The following NEDD4 variants were observed in gnomAD, a reference collection of about 807,000 sequenced individuals.
NEDD4 encodes NEDD4 E3 ubiquitin protein ligase, also known as E3 ubiquitin-protein ligase NEDD4.
A neutral mutation model predicts 144.9 loss-of-function variants in NEDD4; 99 were observed. The ratio of observed to expected loss-of-function variants is 0.68; its 90% CI spans 0.58 to 0.81. NEDD4 has a LOEUF of 0.81. Among genes scored for constraint, NEDD4 ranks in the 30% least tolerant of loss-of-function variants. NEDD4 has a pLI of 0.00. For missense variants in NEDD4, 985 were observed against 1,065.9 expected, an observed-to-expected ratio of 0.92 and a Z score of 1.06; for synonymous variants, 318 against 350.6, an observed-to-expected ratio of 0.91 and a Z score of 1.04.
At chr15:55,887,532 C>T (rs2142109737) in intron 5 of NEDD4, among the ~76,000 whole-genome samples, 1 of 152,274 alleles carries the variant, frequency 6.6e-6, no homozygotes, top group African/African-American at 2.4e-5. Context: ...CATCCAATGG[C>T]TTCACTGATG....
intron 4 of NEDD4, among the ~76,000 whole-genome samples, chr15:55,937,105 T>C (rs1227367922): frequency 1.3e-5 from 2 of 152,126 alleles, no homozygotes; most frequent in Admixed American, 6.6e-5. Flanking sequence ...AATTTGCTAT[T>C]GAGCACTAAC....
intron 4 of NEDD4, among the ~76,000 whole-genome samples, chr15:55,935,279 T>C (rs549552624): frequency 2.6e-5 from 4 of 152,210 alleles, no homozygotes; most frequent in Non-Finnish European, 5.9e-5. Flanking sequence ...TGTATGAATG[T>C]ATCATAATTT....
intron 5 of NEDD4, chr15:55,915,891 C>A (rs557164698): frequency 6.2e-6 from 10 of 1,613,966 alleles, no homozygotes; most frequent in African/African-American, 5.3e-5. Flanking sequence ...TCCTTTAGCA[C>A]TAGTGCCATC....
chr15:55,936,865 T>C (rs573215136), intron 4 of NEDD4, among the ~76,000 whole-genome samples: 9 of 151,998 alleles, frequency 5.9e-5, no homozygotes, highest in Admixed American at 3.3e-4. Flanking sequence ...TGAACTCGGC[T>C]CACTGCAACC....
intron 2 of NEDD4, among the ~76,000 whole-genome samples, chr15:55,964,695 GTGT>G (rs1430744328): frequency 2.0e-3 from 13 of 6,382 alleles, no homozygotes; most frequent in African/African-American, 9.2e-3. Flanking sequence ...TGCTGCTGGT[GTGT>G]GTGTGTGTGT....
At chr15:55,830,455 T>C in intron 28 of NEDD4, 59 bp downstream of exon 28, 1 of 1,455,184 alleles carries the variant, frequency 6.9e-7, no homozygotes. Context: ...GTGGCTAGAC[T>C]AACAGAGGAA....
intron 1 of NEDD4, among the ~76,000 whole-genome samples, chr15:55,973,788 G>C (rs577780314): frequency 7.3e-5 from 11 of 150,610 alleles, no homozygotes; most frequent in Non-Finnish European, 1.5e-5. Flanking sequence ...AGTACTAAAA[G>C]AGAAGCTTAT....
At position 55,936,073 on chromosome 15, in the gene NEDD4, T is replaced by C. The variant is rs372338327; in HGVS notation, c.238-11374A>G. 3.9e-5 allele frequency among the ~76,000 whole-genome samples: 6 copies of C among 152,058 alleles called. No individual in the cohort carries two copies. In the East Asian group the frequency reaches 5.8e-4, roughly 15 times the overall value. ...ATCAGTGTGCTTATTGTGAAGGCAGTTTTCATTGCTACTTCAAGTCTATAA... is the reference window on the plus strand; with the variant it reads ...ATCAGTGTGCTTATTGTGAAGGCAGCTTTCATTGCTACTTCAAGTCTATAA... On this transcript the variant is annotated intron_variant, in intron 4 of 28. Coordinates refer to ENST00000435532, the MANE Select transcript of NEDD4 (RefSeq NM_006154.4).
chr15:55,863,110 A>C, intron 8 of NEDD4, 31 bp from the exon 9 acceptor site: 1 of 1,506,030 alleles, frequency 6.6e-7, no homozygotes, highest in Non-Finnish European at 8.9e-7. Context: ...AATTAAGTTT[A>C]CGCATGATTT....
intron 6 of NEDD4, 47 bp from the exon 7 acceptor site, chr15:55,872,523 G>A: frequency 1.2e-6 from 1 of 850,962 alleles, no homozygotes; most frequent in South Asian, 2.7e-5. Context: ...AACACCAAAA[G>A]CATGTACTTT....
chr15:55,881,393 G>A (rs527362593), intron 5 of NEDD4, among the ~76,000 whole-genome samples: 1 of 151,894 alleles, frequency 6.6e-6, no homozygotes, highest in Non-Finnish European at 1.5e-5. Flanking sequence ...TACCCACCTC[G>A]GCCTTCCAAA....
At chr15:55,839,903 A>T (rs575965659) in intron 21 of NEDD4, among the ~76,000 whole-genome samples, 2 of 143,912 alleles carry the variant, frequency 1.4e-5, no homozygotes, top group East Asian at 4.2e-4. Flanking sequence ...TGAACTTGGA[A>T]AGCAGAGGTT....
chr15:55,854,086 G>A (rs1466179772), intron 12 of NEDD4, among the ~76,000 whole-genome samples: 1 of 152,084 alleles, frequency 6.6e-6, no homozygotes, highest in Non-Finnish European at 1.5e-5. Flanking sequence ...AGGAGGCAGA[G>A]GTTGCAGTGA....
At chr15:55,926,082 A>G (rs2036659372) in intron 4 of NEDD4, among the ~76,000 whole-genome samples, 1 of 151,728 alleles carries the variant, frequency 6.6e-6, no homozygotes, top group African/African-American at 2.4e-5. Context: ...GTAAAAATAC[A>G]TATACATACT....
rs778969654 is a variant in NEDD4 at position 55,860,657 on chromosome 15, A to G, written c.792+4T>C. The G allele has an allele frequency of 1.3e-5, 21 of 1,613,898 alleles. No homozygotes were observed. The highest frequency in any genetic ancestry group is 1.6e-5 in the Non-Finnish European group (19 of 1,179,890). On this transcript the variant is annotated splice_donor_region_variant and intron_variant, in intron 10 of 28. Coordinates refer to ENST00000435532, the MANE Select transcript of NEDD4 (RefSeq NM_006154.4). ...TTCAAGGAGAACTAGGAAACTACTT[A>G]TACCTCGGAAGACTCTCGGTTGTCA...
chr15:55,851,085 C>G (rs2033963108), intron 13 of NEDD4, among the ~76,000 whole-genome samples: 1 of 152,144 alleles, frequency 6.6e-6, no homozygotes, highest in African/African-American at 2.4e-5. Context: ...AGCTCAAGCC[C>G]TAGCTGCAAG....
intron 5 of NEDD4, among the ~76,000 whole-genome samples, chr15:55,923,308 C>T (rs1439572433): frequency 2.0e-5 from 3 of 152,034 alleles, no homozygotes; most frequent in African/African-American, 7.2e-5. Flanking sequence ...TGTAACTAAC[C>T]ATATCTGATA....
intron 1 of NEDD4, among the ~76,000 whole-genome samples, chr15:55,986,610 G>A: frequency 9.5e-6 from 1 of 105,682 alleles, no homozygotes; most frequent in South Asian, 3.2e-4. Context: ...TTTTTTGTGA[G>A]ACGGAGTCTC....
At chr15:55,869,284 T>C (rs1433899950) in intron 8 of NEDD4, among the ~76,000 whole-genome samples, 2 of 152,188 alleles carry the variant, frequency 1.3e-5, no homozygotes, top group Admixed American at 6.5e-5. Context: ...AACTTCAAAA[T>C]ACTAAATTGT....
Sources: gnomAD v4.1 joint callset for allele counts (sites outside exome capture counted in the v4.1 genomes callset) on GRCh38, gnomAD v4.1.1 for gene constraint, MANE v1.5 for transcripts, NCBI Gene and HGNC (gene_info 2026-07-23, HGNC 2026-07-21) for gene names.